The following MICALL2 variants were observed in gnomAD, a reference collection of about 807,000 sequenced individuals.
MICALL2 encodes MICAL like 2, also known as MICAL-like protein 2.
Under a neutral mutation model 91.1 loss-of-function variants are expected in MICALL2, and 111 were observed. The ratio of observed to expected loss-of-function variants is 1.22; its 90% CI spans 1.04 to 1.43. The LOEUF (loss-of-function observed/expected upper bound fraction) is 1.43. MICALL2 is among the 40% of genes most tolerant of loss of function. The pLI, the probability that MICALL2 is intolerant of heterozygous loss-of-function variation, is 0.00. For missense variants in MICALL2, 1,556 were observed against 1,236.0 expected (o/e 1.26, Z -3.88); for synonymous variants, 694 against 525.3 (o/e 1.32, Z -4.39).
rs1562446224 is a variant in MICALL2, at chr7:1,437,576, A to AGCT, written c.2432_2434dup (p.Gln811dup). On this transcript the variant is annotated inframe_insertion, in exon 14 of 17. Coordinates refer to ENST00000297508, the MANE Select transcript of MICALL2 (RefSeq NM_182924.4). ...CCGGCGCAGCTCGCCCTCGATGTCC[A>AGCT]GCTGCTGCTCCTCCAGACGCTGGGC... 9 of 1,536,460 alleles carry AGCT rather than the reference A, an allele frequency of 5.9e-6. No homozygotes were observed. Among genetic ancestry groups the AGCT allele is most frequent in the Non-Finnish European group, 7.9e-6 (9 of 1,145,638 alleles).
Position 1,437,614 on chromosome 7 carries a change from GCA to G in MICALL2, c.2403-8_2403-7del. The G allele has an allele frequency of 6.5e-7, 1 of 1,538,772 alleles. No homozygotes were observed. The highest frequency in any genetic ancestry group is 8.7e-7 in the Non-Finnish European group (1 of 1,146,070). ...CCAGACGCTGGGCCTTGGACCTGCC[GCA>G]CAGACACGCGTCTGAGGCCTGACTC... On this transcript the variant is annotated splice_region_variant and splice_polypyrimidine_tract_variant and intron_variant, in intron 13 of 16. Transcript: ENST00000297508.
In MICALL2 at chr7:1,444,817, T is replaced by C. The variant is rs763410707; in HGVS notation, c.1253A>G (p.Asn418Ser). The change falls in exon 6 of 17, where the codon AAT (asparagine) becomes AGT (serine). Residue 418 changes from asparagine (N) to serine (S), a missense_variant. Physicochemically the swap from Asn to Ser is conservative, Grantham distance 46. Coordinates refer to ENST00000297508, the MANE Select transcript of MICALL2 (RefSeq NM_182924.4). ...PSASRTQQAR[N>S]KFFQTSAVPP... ...CACTGCTGATGTTTGGAAAAACTTA[T>C]TCCGGGCCTGCTGGGTCCTGGAGGC... 5.0e-6 allele frequency: 8 copies of C among 1,610,914 alleles called. No homozygotes were observed. Among genetic ancestry groups the C allele is most frequent in the Non-Finnish European group, 6.8e-6 (8 of 1,179,168 alleles).
chr7:1,437,611 G>C lies in MICALL2; in HGVS notation c.2403-3C>G. ...CCTCCAGACGCTGGGCCTTGGACCT[G>C]CCGCACAGACACGCGTCTGAGGCCT... On this transcript the variant is annotated splice_polypyrimidine_tract_variant and splice_region_variant and intron_variant, in intron 13 of 16. Transcript: ENST00000297508. The C allele has an allele frequency of 6.5e-7, 1 of 1,539,364 alleles. No homozygotes were observed. Among genetic ancestry groups the C allele is most frequent in the South Asian group, 1.2e-5 (1 of 83,974 alleles).
intron 16 of MICALL2, 56 bp from the exon 17 acceptor site, chr7:1,434,728 GC>G: frequency 6.8e-7 from 1 of 1,471,598 alleles, no homozygotes. Flanking sequence ...CACAGCCGTG[GC>G]CCACACAAGT....
chr7:1,445,506 AG>A (rs1439838951), intron 5 of MICALL2, 78 bp from the exon 6 acceptor site: 1 of 1,356,692 alleles, frequency 7.4e-7, no homozygotes, highest in African/African-American at 1.5e-5. Context: ...TCCTGATAGC[AG>A]GCATTGCGGA....
rs774776742 is a variant in MICALL2, at chr7:1,438,920, C to T, written c.2042G>A (p.Arg681Gln). ...GGCTTCCTGGCCAGGGGGCTCCGGC[C>T]GAAGCCAGTTGTCACAAACGTCGAG... ...ASLDVCDNWL[R>Q]PEPPGQEARV... The change falls in exon 10 of 17, where the codon CGG (arginine) becomes CAG (glutamine). Residue 681 changes from arginine to glutamine, a missense_variant. Coordinates refer to ENST00000297508, the MANE Select transcript of MICALL2 (RefSeq NM_182924.4). The T allele has an allele frequency of 1.2e-5, 20 of 1,608,530 alleles. No homozygotes were observed. Among genetic ancestry groups the T allele is most frequent in the Middle Eastern group, 1.6e-4 (1 of 6,078 alleles).
rs1186532392 is a variant in MICALL2 at position 1,437,970 on chromosome 7, C to G, written c.2322G>C (p.Glu774Asp). The G allele has an allele frequency of 6.5e-7, 1 of 1,550,344 alleles. No individual in the cohort carries two copies. Among genetic ancestry groups the G allele is most frequent in the African/African-American group, 1.4e-5 (1 of 73,156 alleles). The change falls in exon 13 of 17, where the codon GAG (glutamate) becomes GAC (aspartate). Residue 774 changes from glutamate (E) to aspartate (D), a missense_variant. Physicochemically the swap from Glu to Asp is conservative, Grantham distance 45. Transcript: ENST00000297508. ...RLRAAEGDDA[E>D]DSLMVDWFWL... ...AGAACCAGTCCACCATGAGGCTATC[C>G]TCAGCGTCATCTGGGGAGAGGAGCC...
intron 6 of MICALL2, 85 bp downstream of exon 6, chr7:1,444,567 C>A: frequency 7.6e-7 from 1 of 1,323,638 alleles, no homozygotes; most frequent in African/African-American, 1.5e-5. Flanking sequence ...GGAGGTGCAG[C>A]GCCCCCAACC....
intron 5 of MICALL2, among the ~76,000 whole-genome samples, chr7:1,446,017 T>G (rs1447360965): frequency 1.4e-5 from 2 of 140,588 alleles, no homozygotes; most frequent in African/African-American, 5.5e-5. Context: ...GAGGGCATCT[T>G]GACGGGGGCA....
chr7:1,447,094 C>T (rs1346946137), intron 4 of MICALL2, among the ~76,000 whole-genome samples: 1 of 152,118 alleles, frequency 6.6e-6, no homozygotes, highest in Non-Finnish European at 1.5e-5. Context: ...CAGGCCTCCT[C>T]CTGCCCCATT....
Position 1,451,658 on chromosome 7 carries a change from C to A in MICALL2, c.144-1370G>T, listed in dbSNP as rs1780832425. Among the ~76,000 whole-genome samples the A allele has an allele frequency of 6.6e-6, 1 of 152,096 alleles. No individual in the cohort carries two copies. Among genetic ancestry groups the A allele is most frequent in the Non-Finnish European group, 1.5e-5 (1 of 67,986 alleles). ...GGGCTGCAAGCCGTGTCCTGCCTCA[C>A]CCCGGCCTGCATGTCTGACCCCGGC... is the stretch of plus-strand genomic sequence containing the variant. On this transcript the variant is annotated intron_variant, in intron 1 of 16. Coordinates refer to ENST00000297508, the MANE Select transcript of MICALL2 (RefSeq NM_182924.4). The surrounding 1 kb of genome is among the most constrained non-coding windows in gnomAD (Gnocchi z 4.5).
chr7:1,440,170 C>T (rs1584205495), intron 8 of MICALL2, 85 bp from the exon 9 acceptor site: 3 of 1,502,750 alleles, frequency 2.0e-6, no homozygotes, highest in Non-Finnish European at 2.7e-6. Context: ...CATATGCAGA[C>T]CAGCCGGAGG....
rs1014321921 is a variant in MICALL2, at chr7:1,434,835, G to C, written c.2639-163C>G. 4 of 790,688 alleles carry C rather than the reference G, an allele frequency of 5.1e-6. No homozygotes were observed. In the African/African-American group the frequency reaches 6.9e-5, roughly 14 times the overall value. 49.0% of individuals were successfully genotyped at this position (790,688 alleles called of 1,614,324 possible). ...CCTGTGCCCTCCCACGTGAGAACCT[G>C]CCCCGACTGGGTGCCCCGGAGGGCT... On this transcript the variant is annotated intron_variant, in intron 16 of 16. Coordinates refer to ENST00000297508, the MANE Select transcript of MICALL2 (RefSeq NM_182924.4).
chr7:1,453,307 G>A (rs1780901718), intron 1 of MICALL2, among the ~76,000 whole-genome samples: 1 of 152,108 alleles, frequency 6.6e-6, no homozygotes, highest in South Asian at 2.1e-4. Flanking sequence ...CCCATGGCTG[G>A]TGTCCTCATA....
Position 1,444,552 on chromosome 7 carries a change from G to C in MICALL2, c.1418+100C>G. ...GAAGTGCAGTCCCCAAGGCCACACA[G>C]CCAGGGAGGTGCAGCGCCCCCAACC... is the stretch of plus-strand genomic sequence containing the variant. On this transcript the variant is annotated intron_variant, in intron 6 of 16. Transcript: ENST00000297508. The C allele has an allele frequency of 4.2e-6, 5 of 1,197,736 alleles. No individual in the cohort carries two copies. The South Asian group carries it at 7.5e-5, about 18-fold the overall frequency. 74.2% of individuals were successfully genotyped at this position (1,197,736 alleles called of 1,614,324 possible).
chr7:1,459,017 ACACTGAGGC>A (rs1781117070), intron 1 of MICALL2, among the ~76,000 whole-genome samples, 158 bp downstream of exon 1: 1 of 152,140 alleles, frequency 6.6e-6, no homozygotes, highest in Non-Finnish European at 1.5e-5. Context: ...GTGTCCGGGC[ACACTGAGGC>A]CACTGAGGAC....
At chr7:1,444,395 C>CAGGG (rs1780459849) in intron 6 of MICALL2, among the ~76,000 whole-genome samples, 1 of 152,180 alleles carries the variant, frequency 6.6e-6, no homozygotes, top group Non-Finnish European at 1.5e-5. Context: ...GGCAGCGCCA[C>CAGGG]CGCACCCATG....
At chr7:1,457,723 C>T (rs978690092) in intron 1 of MICALL2, among the ~76,000 whole-genome samples, 5 of 152,250 alleles carry the variant, frequency 3.3e-5, no homozygotes, top group Admixed American at 2.0e-4. Flanking sequence ...AAATCTCCGG[C>T]GACACCAGTG....
At chr7:1,443,883 C>G (rs1053112297) in intron 6 of MICALL2, among the ~76,000 whole-genome samples, 4 of 152,180 alleles carry the variant, frequency 2.6e-5, no homozygotes, top group African/African-American at 9.7e-5. Flanking sequence ...TGATGCAGCG[C>G]CCCCCTCTAC....
Sources: allele counts gnomAD v4.1 joint callset (sites outside exome capture counted in the v4.1 genomes callset), GRCh38; gene constraint gnomAD v4.1.1; non-coding constraint Gnocchi (gnomAD v3.1); transcripts MANE v1.5; gene names NCBI Gene and HGNC (gene_info 2026-07-23, HGNC 2026-07-21).